The following FRAS1 variants were observed in gnomAD, a reference collection of about 807,000 sequenced individuals.
The protein encoded by FRAS1 is Fraser extracellular matrix complex subunit 1.
A neutral mutation model predicts 435.2 loss-of-function variants in FRAS1; 290 were observed. That is an observed-to-expected ratio of 0.67 (90% CI 0.61 to 0.73). FRAS1 has a LOEUF of 0.73. Ranked by LOEUF, FRAS1 falls within the 30% of genes least tolerant of loss-of-function variation. FRAS1 has a pLI of 0.00. For missense variants in FRAS1, 4,860 were observed against 5,001.5 expected, an observed-to-expected ratio of 0.97 and a Z score of 0.85; for synonymous variants, 1,800 against 1,851.0, an observed-to-expected ratio of 0.97 and a Z score of 0.71.
rs755318183 is a variant in FRAS1 at position 78,237,564 on chromosome 4, ATTG to A, written c.166_168del (p.Val56del). 1 of 1,613,208 alleles carries A rather than the reference ATTG, an allele frequency of 6.2e-7. No homozygotes were observed. Among genetic ancestry groups the A allele is most frequent in the South Asian group, 1.1e-5 (1 of 90,902 alleles). On this transcript the variant is annotated inframe_deletion, in exon 3 of 74. Transcript: ENST00000512123. Reference sequence around the variant, plus strand: ...CCAGAGCTGCCGTTGCCATGGTGATATTGTTATCTGCAAACCTGCTGTTTGCAG... The same window carrying A: ...CCAGAGCTGCCGTTGCCATGGTGATATTATCTGCAAACCTGCTGTTTGCAG...
chr4:78,372,418 G>A (rs115381651), intron 23 of FRAS1, among the ~76,000 whole-genome samples: 1 of 152,140 alleles, frequency 6.6e-6, no homozygotes, highest in Admixed American at 6.6e-5. Flanking sequence ...ATGGCACAGG[G>A]ATAAAGAACT....
chr4:78,068,102 C>T (rs1740144620), intron 2 of FRAS1, among the ~76,000 whole-genome samples: 1 of 151,922 alleles, frequency 6.6e-6, no homozygotes, highest in Non-Finnish European at 1.5e-5. Flanking sequence ...TATTGAATGA[C>T]AATTAGAGAC....
intron 20 of FRAS1, among the ~76,000 whole-genome samples, chr4:78,358,926 C>A (rs1053885815): frequency 4.6e-5 from 7 of 152,346 alleles, no homozygotes; most frequent in South Asian, 4.1e-4. Context: ...ATAGTGTCCA[C>A]ATTTAATTTA....
At chr4:78,120,775 C>T (rs1230866287) in intron 2 of FRAS1, among the ~76,000 whole-genome samples, 1 of 152,122 alleles carries the variant, frequency 6.6e-6, no homozygotes, top group Non-Finnish European at 1.5e-5. Flanking sequence ...ACACTTAAGC[C>T]CAATTCCTAG....
At chr4:78,214,194 A>G (rs1451191238) in intron 2 of FRAS1, among the ~76,000 whole-genome samples, 1 of 152,190 alleles carries the variant, frequency 6.6e-6, no homozygotes, top group Non-Finnish European at 1.5e-5. Flanking sequence ...TAGCCAGTAC[A>G]CTTGTGTTCT....
At chr4:78,498,893 G>T (rs1720592836) in intron 60 of FRAS1, among the ~76,000 whole-genome samples, 1 of 148,594 alleles carries the variant, frequency 6.7e-6, no homozygotes, top group African/African-American at 2.5e-5. Context: ...TGTCGCCCAG[G>T]CTGGAGTGCA....
In FRAS1 at chr4:78,131,686, G is replaced by A. The variant is rs982697205; in HGVS notation, c.108+65670G>A. On this transcript the variant is annotated intron_variant, in intron 2 of 73. Transcript: ENST00000512123. ...GTGTCTCTCCGAGTGATTTTACAGG[G>A]CTGTAATCTATGGCTGTGCAAAGAA... Among the ~76,000 whole-genome samples the A allele has an allele frequency of 3.3e-5, 5 of 152,274 alleles. No individual in the cohort carries two copies. The East Asian group carries it at 9.6e-4, about 29-fold the overall frequency.
intron 70 of FRAS1, among the ~76,000 whole-genome samples, chr4:78,527,027 G>T (rs1721556097): frequency 6.6e-6 from 1 of 152,108 alleles, no homozygotes; most frequent in East Asian, 1.9e-4. Flanking sequence ...GCTGTAATGT[G>T]CCTTATGATA....
intron 32 of FRAS1, 71 bp from the exon 33 acceptor site, chr4:78,418,878 A>C (rs1733650270): frequency 1.2e-6 from 1 of 847,382 alleles, no homozygotes; most frequent in African/African-American, 1.8e-5. Context: ...TTTTCTTAAT[A>C]AGGTCTGTTT....
At chr4:78,524,647 T>G (rs1162744840) in intron 69 of FRAS1, among the ~76,000 whole-genome samples, 1 of 152,210 alleles carries the variant, frequency 6.6e-6, no homozygotes, top group African/African-American at 2.4e-5. Context: ...GCTATTTGTC[T>G]TGCATTCATT....
chr4:78,195,122 T>G (rs1722742810), intron 2 of FRAS1, among the ~76,000 whole-genome samples: 1 of 152,160 alleles, frequency 6.6e-6, no homozygotes, highest in African/African-American at 2.4e-5. Context: ...TGCCTGATCG[T>G]TCCTCCGGAA....
intron 2 of FRAS1, among the ~76,000 whole-genome samples, chr4:78,205,647 G>T (rs1257924571): frequency 6.6e-6 from 1 of 152,222 alleles, no homozygotes; most frequent in Non-Finnish European, 1.5e-5. Context: ...TTTTAAAATA[G>T]TGCAGAAAGC....
At chr4:78,509,344 A>T (rs1280145713) in intron 63 of FRAS1, among the ~76,000 whole-genome samples, 1 of 152,188 alleles carries the variant, frequency 6.6e-6, no homozygotes, top group East Asian at 1.9e-4. Flanking sequence ...GAAAAATGTG[A>T]CCTATAAATG....
At chr4:78,384,193 C>T in intron 28 of FRAS1, 50 bp downstream of exon 28, 1 of 1,223,650 alleles carries the variant, frequency 8.2e-7, no homozygotes, top group Non-Finnish European at 1.2e-6. Context: ...TACTAGTTCT[C>T]AAGCACGAAA....
At position 78,383,968 on chromosome 4, in the gene FRAS1, C is replaced by T. The variant is rs184091093; in HGVS notation, c.3564-91C>T. 2.0e-3 allele frequency: 1,851 copies of T among 933,280 alleles called. 4 individuals carry two copies. The highest frequency in any genetic ancestry group is 1.4e-3 in the Non-Finnish European group (847 of 595,698). 57.8% of individuals were successfully genotyped at this position (933,280 alleles called of 1,614,324 possible). ...GCAGTTTGATCCAAATTCTTACCTA[C>T]ACATAACCTGAAAATGTTTTTAAGC... is the stretch of plus-strand genomic sequence containing the variant. On this transcript the variant is annotated intron_variant, in intron 27 of 73. Coordinates refer to ENST00000512123, the MANE Select transcript of FRAS1 (RefSeq NM_025074.7).
At chr4:78,133,218 C>T (rs915896378) in intron 2 of FRAS1, among the ~76,000 whole-genome samples, 6 of 152,156 alleles carry the variant, frequency 3.9e-5, no homozygotes, top group African/African-American at 1.4e-4. Context: ...TTTGCAACAA[C>T]ATGTATGGAA....
intron 2 of FRAS1, among the ~76,000 whole-genome samples, chr4:78,122,920 G>A (rs1468473769): frequency 2.0e-5 from 3 of 152,150 alleles, no homozygotes; most frequent in Non-Finnish European, 4.4e-5. Flanking sequence ...CTTCCATTCT[G>A]TAGGTTGCCT....
chr4:78,487,626 CA>C (rs1422437137), intron 58 of FRAS1, among the ~76,000 whole-genome samples: 1 of 152,084 alleles, frequency 6.6e-6, no homozygotes, highest in Non-Finnish European at 1.5e-5. Context: ...TAATACAGAG[CA>C]AATGATTCTT....
intron 20 of FRAS1, among the ~76,000 whole-genome samples, chr4:78,361,349 C>T (rs1731064155): frequency 6.6e-6 from 1 of 152,194 alleles, no homozygotes; most frequent in Non-Finnish European, 1.5e-5. Flanking sequence ...TTGTAGTTTA[C>T]TGAAGGACTG....
Sources: allele counts gnomAD v4.1 joint callset (sites outside exome capture counted in the v4.1 genomes callset), GRCh38; gene constraint gnomAD v4.1.1; transcripts MANE v1.5; gene names NCBI Gene and HGNC (gene_info 2026-07-23, HGNC 2026-07-21).